Variants in MXI1 observed in about 807,000 individuals in gnomAD.
MXI1 encodes max-interacting protein 1.
Under a neutral mutation model 36.9 loss-of-function variants are expected in MXI1, and 18 were observed. The observed-to-expected ratio is 0.49, with a 90% CI of 0.34 to 0.72. MXI1 has a LOEUF of 0.72. MXI1 is among the 30% of genes least tolerant of loss of function. MXI1 has a pLI of 0.01. For synonymous variants in MXI1, 160 were observed against 146.7 expected, an observed-to-expected ratio of 1.09 and a Z score of -0.65; for missense variants, 304 against 379.1, an observed-to-expected ratio of 0.80 and a Z score of 1.64.
chr10:110,224,687 C>T lies in MXI1; in HGVS notation c.275-3502C>T, dbSNP rs1201602934. On this transcript the variant is annotated intron_variant, in intron 1 of 5. Transcript: ENST00000332674. ...ACTGAGTCTTGCTCTGTTGCCCAGG[C>T]TGGAGGCCGGAGTGCAGTGGCGTGA... Among the ~76,000 whole-genome samples, 6 of 145,856 alleles carry T rather than the reference C, an allele frequency of 4.1e-5. No individual in the cohort carries two copies. In the East Asian group the frequency reaches 1.0e-3, roughly 24 times the overall value.
chr10:110,246,790 G>A (rs955765361), intron 3 of MXI1, among the ~76,000 whole-genome samples: 3 of 151,396 alleles, frequency 2.0e-5, no homozygotes, highest in Admixed American at 6.6e-5. Flanking sequence ...AAACTCCTTC[G>A]TTTTAAAGAA....
intron 1 of MXI1, among the ~76,000 whole-genome samples, chr10:110,225,180 G>A (rs1350884265): frequency 6.6e-6 from 1 of 152,158 alleles, no homozygotes; most frequent in Non-Finnish European, 1.5e-5. Flanking sequence ...ACAGTGCCTG[G>A]CACATGGCAC....
In MXI1 at chr10:110,209,321, G is replaced by A. The variant is rs1033889676; in HGVS notation, c.274+1239G>A. ...ATGAGGCGCGAGTGTGTGTGTGTAC[G>A]TGTGCGCGTGTGTGTGTGAGAGAGA... is the stretch of plus-strand genomic sequence containing the variant. On this transcript the variant is annotated intron_variant, in intron 1 of 5. Coordinates refer to ENST00000332674, the MANE Select transcript of MXI1 (RefSeq NM_130439.3). Among the ~76,000 whole-genome samples the A allele has an allele frequency of 3.9e-5, 6 of 152,046 alleles. No individual in the cohort carries two copies. The East Asian group carries it at 1.2e-3, about 29-fold the overall frequency.
At chr10:110,242,252 G>A (rs1337501883) in intron 2 of MXI1, among the ~76,000 whole-genome samples, 1 of 151,902 alleles carries the variant, frequency 6.6e-6, no homozygotes, top group Admixed American at 6.6e-5. Context: ...ACAATACTTT[G>A]TACCTTTCTT....
rs746983780 is a variant in MXI1, at chr10:110,244,813, T to C, written c.408-15T>C. ...CAAAGCATGGCTAATGCTTTTTTTTTTTTTTGTCTTTTAGATCTACACACA... is the reference window on the plus strand; with the variant it reads ...CAAAGCATGGCTAATGCTTTTTTTTCTTTTTGTCTTTTAGATCTACACACA... On this transcript the variant is annotated splice_polypyrimidine_tract_variant and intron_variant, in intron 2 of 5. Transcript: ENST00000332674. 6.4e-7 allele frequency: 1 copy of C among 1,556,056 alleles called. No homozygotes were observed. The highest frequency in any genetic ancestry group is 8.7e-7 in the Non-Finnish European group (1 of 1,153,212).
At chr10:110,242,629 TAAAG>T (rs972667634) in intron 2 of MXI1, among the ~76,000 whole-genome samples, 46 of 151,980 alleles carry the variant, frequency 3.0e-4, no homozygotes, top group Non-Finnish European at 7.4e-5. Context: ...AAAAAGATAA[TAAAG>T]AAATGTCTGT....
chr10:110,232,143 G>A (rs978718291), intron 2 of MXI1, among the ~76,000 whole-genome samples: 11 of 152,116 alleles, frequency 7.2e-5, no homozygotes, highest in African/African-American at 2.7e-4. Flanking sequence ...TGTATTTTTA[G>A]TAGAGACAGG....
chr10:110,284,692 G>C, intron 5 of MXI1, 132 bp from the exon 6 acceptor site: 1 of 868,578 alleles, frequency 1.2e-6, no homozygotes, highest in Non-Finnish European at 1.7e-6. Context: ...TTGTTCCTCT[G>C]TTCTCCAGAC....
At chr10:110,278,701 GGTGTGT>G (rs368265649) in intron 3 of MXI1, among the ~76,000 whole-genome samples, 167 of 116,014 alleles carry the variant, frequency 1.4e-3, no homozygotes, top group Middle Eastern at 3.7e-3. Flanking sequence ...AGAGAGGTAG[GGTGTGT>G]GTGTGTGTGT....
chr10:110,251,771 G>A (rs1027089050), intron 3 of MXI1, among the ~76,000 whole-genome samples: 1 of 152,132 alleles, frequency 6.6e-6, no homozygotes, highest in Non-Finnish European at 1.5e-5. Flanking sequence ...ATAAGGAAAG[G>A]AGTCAGTGTG....
chr10:110,284,207 CT>C (rs930451453), intron 5 of MXI1, among the ~76,000 whole-genome samples: 1 of 151,764 alleles, frequency 6.6e-6, no homozygotes, highest in East Asian at 1.9e-4. Context: ...AATCTGAAGA[CT>C]TTTAAGTCTC....
Position 110,228,191 on chromosome 10 carries a change from T to C in MXI1, c.277T>C (p.Cys93Arg). The stretch of plus-strand genomic sequence containing the variant: ...TCTTTTTTTCTTGCTTTCTTCAGAG[T>C]GTGAACATGGCTACGCCTCTTCATT... ...LEQIEKENKK[C>R]EHGYASSFPS... Residue 93 changes from cysteine (C) to arginine (R), a missense_variant and splice_region_variant, in exon 2 of 6, where the codon TGT becomes CGT. By Grantham distance (180) the Cys-to-Arg change is radical. Transcript: ENST00000332674. 6.2e-7 allele frequency: 1 copy of C among 1,613,962 alleles called. No homozygotes were observed. Among genetic ancestry groups the C allele is most frequent in the South Asian group, 1.1e-5 (1 of 91,070 alleles).
Position 110,284,996 on chromosome 10 carries a change from A to G in MXI1, c.*9A>G. ...TTTCATTCACTTCATAGAACCCAGC[A>G]TGACATAACAGTGCAGGGCAAAATA... On this transcript the variant is annotated 3_prime_UTR_variant, in exon 6 of 6. Coordinates refer to ENST00000332674, the MANE Select transcript of MXI1 (RefSeq NM_130439.3). 1 of 1,607,474 alleles carries G rather than the reference A, an allele frequency of 6.2e-7. No individual in the cohort carries two copies. Among genetic ancestry groups the G allele is most frequent in the South Asian group, 1.1e-5 (1 of 89,646 alleles).
At chr10:110,281,642 G>A (rs888349254) in intron 5 of MXI1, among the ~76,000 whole-genome samples, 6 of 152,090 alleles carry the variant, frequency 3.9e-5, no homozygotes, top group Admixed American at 2.6e-4. Flanking sequence ...TTGTATATAT[G>A]TACATATTTT....
intron 3 of MXI1, among the ~76,000 whole-genome samples, chr10:110,272,094 A>G (rs896551232): frequency 6.6e-6 from 1 of 152,226 alleles, no homozygotes; most frequent in Non-Finnish European, 1.5e-5. Flanking sequence ...CAGTTTGAAC[A>G]TAGATTCCTG....
In MXI1 at chr10:110,227,339, T is replaced by C. The variant is rs980458869; in HGVS notation, c.275-850T>C. 14 of 942,416 alleles carry C rather than the reference T, an allele frequency of 1.5e-5. No homozygotes were observed. In the African/African-American group the frequency reaches 3.0e-4, roughly 20 times the overall value. The allele number at this position is 942,416 out of a possible 1,614,324, so 58.4% of individuals were successfully genotyped here. On this transcript the variant is annotated intron_variant, in intron 1 of 5. Coordinates refer to ENST00000332674, the MANE Select transcript of MXI1 (RefSeq NM_130439.3). ...GGAGGGGCGCGCGTGCGTGGGGAGG[T>C]GTGTGTGCTGAGATCGTGAGTGGAG... is the stretch of plus-strand genomic sequence containing the variant.
chr10:110,229,748 A>T (rs927006705), intron 2 of MXI1, among the ~76,000 whole-genome samples: 8 of 152,204 alleles, frequency 5.3e-5, no homozygotes, highest in Non-Finnish European at 1.2e-4. Flanking sequence ...ACAGCATTTT[A>T]AAAAATGTAC....
At chr10:110,212,042 A>C (rs923789728) in intron 1 of MXI1, among the ~76,000 whole-genome samples, 3 of 152,368 alleles carry the variant, frequency 2.0e-5, no homozygotes, top group African/African-American at 7.2e-5. Flanking sequence ...TGTTATGTGC[A>C]TAAGAGCCGA....
intron 1 of MXI1, chr10:110,225,977 C>T (rs1018318203): frequency 2.0e-6 from 2 of 977,498 alleles, no homozygotes; most frequent in African/African-American, 1.8e-5. Flanking sequence ...GCCCCTCCCC[C>T]GTGCTCGCGG....
Sources: gnomAD v4.1 joint callset for allele counts (sites outside exome capture counted in the v4.1 genomes callset) on GRCh38, gnomAD v4.1.1 for gene constraint, MANE v1.5 for transcripts, NCBI Gene and HGNC (gene_info 2026-07-23, HGNC 2026-07-21) for gene names.